SP2: variants seen among roughly 807,000 people sequenced by gnomAD.
The protein encoded by SP2 is Sp2 transcription factor, also known as transcription factor Sp2.
A neutral mutation model predicts 50.1 loss-of-function variants in SP2; 9 were observed. That is an observed-to-expected ratio of 0.18 (90% CI 0.11 to 0.31). The LOEUF (loss-of-function observed/expected upper bound fraction) is 0.31, where lower values mean the gene tolerates loss of function less well. Among genes scored for constraint, SP2 ranks in the 10% least tolerant of loss-of-function variants. The pLI, the probability that SP2 is intolerant of heterozygous loss-of-function variation, is 1.00. For synonymous variants in SP2, 313 were observed against 326.6 expected (o/e 0.96, Z 0.45); for missense variants, 581 against 806.5 (o/e 0.72, Z 3.39).
intron 5 of SP2, 117 bp from the exon 6 acceptor site, chr17:47,925,231 T>C (rs1243239057): frequency 2.8e-6 from 4 of 1,410,806 alleles, no homozygotes; most frequent in Non-Finnish European, 3.9e-6. Flanking sequence ...GCCCCCTGCC[T>C]CCTTGTGCTC....
At chr17:47,909,397 T>C (rs2034893127) in intron 1 of SP2, among the ~76,000 whole-genome samples, 1 of 152,038 alleles carries the variant, frequency 6.6e-6, no homozygotes, top group African/African-American at 2.4e-5. Flanking sequence ...ATGTGATTGG[T>C]TTTTTAACCT....
At position 47,922,944 on chromosome 17, in the gene SP2, T is replaced by C; in HGVS notation, c.1060-18T>C. The C allele has an allele frequency of 6.3e-7, 1 of 1,594,536 alleles. No homozygotes were observed. Among genetic ancestry groups the C allele is most frequent in the Non-Finnish European group, 8.6e-7 (1 of 1,166,418 alleles). ...AGTCTCTTCCAGGCACTGATTTTTT[T>C]TCTCTGGCCCCTCCCAGGTCTACAT... On this transcript the variant is annotated intron_variant, in intron 3 of 6. Transcript: ENST00000376741.
At chr17:47,907,384 C>T (rs1345405767) in intron 1 of SP2, among the ~76,000 whole-genome samples, 2 of 152,090 alleles carry the variant, frequency 1.3e-5, no homozygotes, top group Admixed American at 6.5e-5. Context: ...GTGGTCCCAT[C>T]GGGCACCTGC....
Position 47,928,165 on chromosome 17 carries a change from C to T in SP2, c.*341C>T, listed in dbSNP as rs1249484693. ...CGTCGAGGAGCAAAGTGAGCCCCTA[C>T]CCCCCACCCCGATCCCCGCTCCCAA... On this transcript the variant is annotated 3_prime_UTR_variant, in exon 7 of 7. Transcript: ENST00000376741. 4.8e-6 allele frequency: 1 copy of T among 207,088 alleles called. No homozygotes were observed. 12.8% of individuals were successfully genotyped at this position (207,088 alleles called of 1,614,324 possible). A position where few individuals can be genotyped will look rare whatever the true frequency, so the allele number is the denominator to read the frequency against.
chr17:47,897,372 G>A (rs911803802), intron 1 of SP2: 2 of 152,188 alleles, frequency 1.3e-5, no homozygotes, highest in African/African-American at 4.8e-5. Context: ...ACTCAGTCTG[G>A]CCTTTCTCAG....
rs762048227 is a variant in SP2 at position 47,916,507 on chromosome 17, A to G, written c.436A>G (p.Ile146Val). ...PQIQASNSQT[I>V]QVQPNLTNQI... is the part of the protein sequence containing the mutation. Reference sequence around the variant, plus strand: ...GATTCAGGCAAGCAATTCCCAAACCATCCAAGTACAGCCCAATCTCACCAA... The same window carrying G: ...GATTCAGGCAAGCAATTCCCAAACCGTCCAAGTACAGCCCAATCTCACCAA... The change falls in exon 3 of 7, where the codon ATC becomes GTC. Residue 146 changes from isoleucine to valine, a missense_variant. Physicochemically the swap from Ile to Val is conservative, Grantham distance 29 (BLOSUM62 3). Transcript: ENST00000376741. The surrounding 1 kb of genome is among the most constrained non-coding windows in gnomAD (Gnocchi z 4.7). 1 of 1,613,988 alleles carries G rather than the reference A, an allele frequency of 6.2e-7. No individual in the cohort carries two copies. The highest frequency in any genetic ancestry group is 1.1e-5 in the South Asian group (1 of 91,080).
chr17:47,906,143 G>T (rs2034752537), intron 1 of SP2, among the ~76,000 whole-genome samples: 1 of 152,218 alleles, frequency 6.6e-6, no homozygotes, highest in Non-Finnish European at 1.5e-5. Flanking sequence ...GAGGCCAGAG[G>T]CCAGGAAGCA....
intron 3 of SP2, among the ~76,000 whole-genome samples, chr17:47,918,240 C>T (rs976706451): frequency 7.2e-5 from 11 of 152,044 alleles, no homozygotes; most frequent in African/African-American, 2.7e-4. Flanking sequence ...GAGAAGAGAG[C>T]CTTTGAATTT....
chr17:47,924,201 G>A (rs538192391), intron 4 of SP2, among the ~76,000 whole-genome samples: 18 of 152,070 alleles, frequency 1.2e-4, no homozygotes, highest in African/African-American at 4.1e-4. Flanking sequence ...GCAGTGGCAC[G>A]ATCATGACAA....
chr17:47,926,487 A>G (rs1017466252), intron 6 of SP2, among the ~76,000 whole-genome samples: 1 of 150,912 alleles, frequency 6.6e-6, no homozygotes, highest in Non-Finnish European at 1.5e-5. Context: ...TAATTTTAAA[A>G]TTTTTTTAGA....
chr17:47,915,409 G>A (rs1373921673), intron 2 of SP2, 21 bp downstream of exon 2: 19 of 1,573,068 alleles, frequency 1.2e-5, no homozygotes, highest in East Asian at 4.5e-5. Context: ...AGTGGGCTCC[G>A]AGGGCTTGGG....
chr17:47,909,932 C>T (rs1237300963), intron 1 of SP2, among the ~76,000 whole-genome samples: 1 of 152,250 alleles, frequency 6.6e-6, no homozygotes, highest in African/African-American at 2.4e-5. Flanking sequence ...ACTGCAAGCT[C>T]TGCCTCCAAA....
chr17:47,896,469 G>A, intron 1 of SP2, 176 bp downstream of exon 1: 2 of 504,482 alleles, frequency 4.0e-6, no homozygotes, highest in Non-Finnish European at 6.2e-6. Flanking sequence ...GAGGAGGAGC[G>A]GGGCTGGCCA....
At chr17:47,925,974 T>C (rs1811847208) in intron 6 of SP2, among the ~76,000 whole-genome samples, 1 of 138,418 alleles carries the variant, frequency 7.2e-6, no homozygotes, top group Non-Finnish European at 1.5e-5. Context: ...TGGAGTGAAG[T>C]GGTGCGATCT....
At chr17:47,912,003 C>T (rs769589713) in intron 1 of SP2, among the ~76,000 whole-genome samples, 1 of 152,078 alleles carries the variant, frequency 6.6e-6, no homozygotes, top group Non-Finnish European at 1.5e-5. Context: ...AAGTTTCCTC[C>T]TTGTTTGTTC....
intron 1 of SP2, 96 bp from the exon 2 acceptor site, chr17:47,915,214 CAA>C (rs60876460): frequency 1.0e-3 from 741 of 711,858 alleles, no homozygotes; most frequent in South Asian, 1.5e-3. Context: ...AATTCCGTCT[CAA>C]AAAAAAAAAA....
chr17:47,913,641 C>G (rs2035076597), intron 1 of SP2, among the ~76,000 whole-genome samples: 3 of 152,128 alleles, frequency 2.0e-5, no homozygotes, highest in Admixed American at 2.0e-4. Flanking sequence ...CTCCTGGGTT[C>G]AAGCGATCTT....
Position 47,916,692 on chromosome 17 carries a change from C to T in SP2, c.621C>T (p.Gly207=), listed in dbSNP as rs749792715. ...GANVVKLTGG[G]GNVTLTLPVN... is the part of the protein sequence containing the mutation. ...ATGTGGTGAAGCTGACAGGTGGGGGCGGCAATGTGACGCTCACTCTGCCCG... is the reference window on the plus strand; with the variant it reads ...ATGTGGTGAAGCTGACAGGTGGGGGTGGCAATGTGACGCTCACTCTGCCCG... The change falls in exon 3 of 7, where the codon GGC becomes GGT. Residue 207 remains glycine (G), a synonymous_variant. Transcript: ENST00000376741. This position sits in a 1 kb window ranked among gnomAD's most constrained non-coding sequence, Gnocchi z 4.7. The T allele has an allele frequency of 2.7e-5, 43 of 1,613,286 alleles. No homozygotes were observed. The highest frequency in any genetic ancestry group is 1.0e-4 in the Admixed American group (6 of 59,974).
At position 47,896,318 on chromosome 17, in the gene SP2, G is replaced by A. The variant is rs917778037; in HGVS notation, c.7+25G>A. On this transcript the variant is annotated intron_variant, in intron 1 of 6. Coordinates refer to ENST00000376741, the MANE Select transcript of SP2 (RefSeq NM_003110.6). ...GGTGGGTCCCGGCCGCTGCCGGCGG[G>A]GTCTTCCCGGCCCCCAAGGGTCAGG... is the stretch of plus-strand genomic sequence containing the variant. 9.7e-6 allele frequency: 12 copies of A among 1,236,618 alleles called. No homozygotes were observed. The African/African-American group carries it at 1.9e-4, about 19-fold the overall frequency. 76.6% of individuals were successfully genotyped at this position (1,236,618 alleles called of 1,614,324 possible).
Sources: allele counts gnomAD v4.1 joint callset (sites outside exome capture counted in the v4.1 genomes callset), GRCh38; gene constraint gnomAD v4.1.1; non-coding constraint Gnocchi (gnomAD v3.1); transcripts MANE v1.5; gene names NCBI Gene and HGNC (gene_info 2026-07-23, HGNC 2026-07-21).